The following SLC2A9 variants were observed in gnomAD, a reference collection of about 807,000 sequenced individuals.
SLC2A9 encodes solute carrier family 2 member 9, also known as solute carrier family 2, facilitated glucose transporter member 9.
SLC2A9 carries 39 observed loss-of-function variants against 50.6 expected under a neutral mutation model. The ratio of observed to expected loss-of-function variants is 0.77; its 90% confidence interval spans 0.60 to 1.01. The LOEUF (loss-of-function observed/expected upper bound fraction) is 1.01, where lower values mean the gene tolerates loss of function less well. Among genes scored for constraint, SLC2A9 ranks in the 50% least tolerant of loss-of-function variants. The probability of loss-of-function intolerance (pLI) is 0.00; values close to 1 mark genes in which losing one functional copy is unlikely to be tolerated. For missense variants in SLC2A9, 686 were observed against 677.6 expected, an observed-to-expected ratio of 1.01 and a Z score of -0.14; for synonymous variants, 324 against 276.9, an observed-to-expected ratio of 1.17 and a Z score of -1.69.
At chr4:10,013,584 C>A (rs904452950) in intron 2 of SLC2A9, among the ~76,000 whole-genome samples, 2 of 152,212 alleles carry the variant, frequency 1.3e-5, no homozygotes, top group Non-Finnish European at 2.9e-5. Flanking sequence ...AGTGTGCACA[C>A]AATTCTGAAC....
chr4:9,982,405 CT>C (rs1756036110), intron 4 of SLC2A9, among the ~76,000 whole-genome samples: 2 of 152,168 alleles, frequency 1.3e-5, no homozygotes, highest in Admixed American at 1.3e-4. Flanking sequence ...CCTTCTTGTT[CT>C]TCTTTCTTTC....
chr4:9,921,653 G>C (rs1743980458), intron 6 of SLC2A9, among the ~76,000 whole-genome samples: 1 of 152,226 alleles, frequency 6.6e-6, no homozygotes, highest in African/African-American at 2.4e-5. Flanking sequence ...ATTTCCAGCA[G>C]GGTACTAAAA....
Position 10,018,830 on chromosome 4 carries a change from CCCCCGAGTGGGGGCTAATCTCTGT to C in SLC2A9, c.249+121_249+144del, listed in dbSNP as rs1031648569. ...TTGTCTGTCTCTGTGCCTCCCCTCT[CCCCCGAGTGGGGGCTAATCTCTGT>C]CCCCGCGGTGTCCCGCGCCGCGAGC... is the stretch of plus-strand genomic sequence containing the variant. On this transcript the variant is annotated intron_variant, in intron 2 of 11. Transcript: ENST00000264784. 8.1e-6 allele frequency: 6 copies of C among 740,716 alleles called. No homozygotes were observed. In the Admixed American group the frequency reaches 1.6e-4, roughly 19 times the overall value. 45.9% of individuals were successfully genotyped at this position (740,716 alleles called of 1,614,324 possible).
intron 2 of SLC2A9, among the ~76,000 whole-genome samples, chr4:9,997,455 T>G (rs1758880992): frequency 6.6e-6 from 1 of 152,156 alleles, no homozygotes. Context: ...ATCCCAGCAC[T>G]CTGGGAGGCT....
Position 9,869,426 on chromosome 4 carries a change from T to A in SLC2A9, c.1291+18141A>T, listed in dbSNP as rs1733032053. ...CTTTCACCAGCTGCTGGTTCCCAAT[T>A]CCAGGCACAGTGTCAGTCTCCTGCC... On this transcript the variant is annotated intron_variant, in intron 10 of 11. Coordinates refer to ENST00000264784, the MANE Select transcript of SLC2A9 (RefSeq NM_020041.3). Among the ~76,000 whole-genome samples, 3 of 152,054 alleles carry A rather than the reference T, an allele frequency of 2.0e-5. No individual in the cohort carries two copies. In the South Asian group the frequency reaches 6.2e-4, roughly 32 times the overall value.
chr4:9,889,869 T>C (rs1358285489), intron 9 of SLC2A9, among the ~76,000 whole-genome samples: 1 of 152,278 alleles, frequency 6.6e-6, no homozygotes, highest in South Asian at 2.1e-4. Flanking sequence ...GATCCGGGGA[T>C]CTAATTGCCA....
upstream of SLC2A9, among the ~76,000 whole-genome samples, chr4:10,024,952 T>C (rs543840719): frequency 3.3e-5 from 5 of 152,216 alleles, no homozygotes; most frequent in African/African-American, 4.8e-5. Flanking sequence ...AGAAAAGATA[T>C]AGCGTCCACT....
rs865873395 is a variant in SLC2A9 at position 10,038,758 on chromosome 4, C to T, written c.-41+1372G>A. Among the ~76,000 whole-genome samples, 16 of 152,210 alleles carry T rather than the reference C, an allele frequency of 1.1e-4. No homozygotes were observed. In the South Asian group the frequency reaches 2.9e-3, roughly 28 times the overall value. On this transcript the variant is annotated intron_variant, in intron 1 of 12. Transcript: ENST00000309065. ...ATGTCTGCTTCACATCCCGGGAGAG[C>T]CTCGGACGGCAAGCTAAGGATCCCG...
intron 5 of SLC2A9, among the ~76,000 whole-genome samples, chr4:9,955,746 C>T (rs1751142884): frequency 6.6e-6 from 1 of 152,020 alleles, no homozygotes; most frequent in Non-Finnish European, 1.5e-5. Context: ...GGATTTGCTG[C>T]CGCGGACACC....
intron 3 of SLC2A9, among the ~76,000 whole-genome samples, chr4:9,813,395 C>G (rs915658874): frequency 1.3e-5 from 2 of 152,130 alleles, no homozygotes; most frequent in African/African-American, 4.8e-5. Flanking sequence ...TTTCTTTTTT[C>G]CCTCTTCGCA....
At chr4:9,860,793 A>G (rs1731493547) in intron 10 of SLC2A9, among the ~76,000 whole-genome samples, 1 of 152,164 alleles carries the variant, frequency 6.6e-6, no homozygotes, top group Non-Finnish European at 1.5e-5. Flanking sequence ...CAACCCCGGG[A>G]AGTCCTCCCT....
chr4:9,965,422 A>G (rs1171403991), intron 5 of SLC2A9, among the ~76,000 whole-genome samples: 2 of 152,206 alleles, frequency 1.3e-5, no homozygotes, highest in Non-Finnish European at 2.9e-5. Flanking sequence ...ATATAATAAA[A>G]ATCACTTGTA....
intron 10 of SLC2A9, among the ~76,000 whole-genome samples, chr4:9,857,833 G>C (rs1730969316): frequency 6.6e-6 from 1 of 152,160 alleles, no homozygotes; most frequent in South Asian, 2.1e-4. Flanking sequence ...CTGTGTCTTA[G>C]GGTCTCTTGG....
intron 5 of SLC2A9, among the ~76,000 whole-genome samples, chr4:9,961,078 AGAAGT>A (rs1560392075): frequency 6.6e-6 from 1 of 152,228 alleles, no homozygotes; most frequent in African/African-American, 2.4e-5. Context: ...TAAGCCTCAG[AGAAGT>A]GAAGTAACTT....
chr4:9,884,766 A>G lies in SLC2A9; in HGVS notation c.1291+2801T>C, dbSNP rs563152637. ...TCACAATAGCAAAGACATAGAATCA[A>G]CCCAAATGCTCATCAATGATAGACT... On this transcript the variant is annotated intron_variant, in intron 10 of 11. Coordinates refer to ENST00000264784, the MANE Select transcript of SLC2A9 (RefSeq NM_020041.3). 2.0e-5 allele frequency among the ~76,000 whole-genome samples: 3 copies of G among 152,328 alleles called. No homozygotes were observed. In the East Asian group the frequency reaches 5.8e-4, roughly 29 times the overall value.
intron 5 of SLC2A9, among the ~76,000 whole-genome samples, chr4:9,947,076 C>T (rs1018830925): frequency 6.6e-6 from 1 of 152,170 alleles, no homozygotes; most frequent in Non-Finnish European, 1.5e-5. Context: ...CTCCTCCTTC[C>T]TACCCCTCTT....
intron 6 of SLC2A9, among the ~76,000 whole-genome samples, chr4:9,932,597 AAAGG>A (rs1270932793): frequency 6.6e-6 from 1 of 152,236 alleles, no homozygotes; most frequent in African/African-American, 2.4e-5. Flanking sequence ...CTAGAGACCT[AAAGG>A]AAGTGAGGGA....
chr4:9,776,091 G>T (rs866281235), downstream of SLC2A9, among the ~76,000 whole-genome samples: 1 of 152,058 alleles, frequency 6.6e-6, no homozygotes, highest in African/African-American at 2.4e-5. Context: ...TCTGCTGGGG[G>T]CCATCTCTGC....
At chr4:9,944,904 T>G (rs2108797164) in intron 5 of SLC2A9, among the ~76,000 whole-genome samples, 1 of 152,326 alleles carries the variant, frequency 6.6e-6, no homozygotes, top group South Asian at 2.1e-4. Flanking sequence ...TCCACCCATA[T>G]TATACATGTG....
Sources: allele counts gnomAD v4.1 joint callset (sites outside exome capture counted in the v4.1 genomes callset), GRCh38; gene constraint gnomAD v4.1.1; transcripts MANE v1.5; gene names NCBI Gene and HGNC (gene_info 2026-07-23, HGNC 2026-07-21).